Variants in AFG2B observed in about 807,000 individuals in gnomAD.
The protein encoded by AFG2B is AAA ATPase AFG2B, also known as ATPase family gene 2 protein homolog B.
chr15:45,413,101 A>G, the AFG2B span, among the ~76,000 whole-genome samples: 1 of 152,188 alleles, frequency 6.6e-6, no homozygotes, highest in Non-Finnish European at 1.5e-5. Context: ...CATGAGAGAA[A>G]TTAACCACAC....
the AFG2B span, chr15:45,403,312 C>A: frequency 6.3e-7 from 1 of 1,595,428 alleles, no homozygotes; most frequent in Non-Finnish European, 8.5e-7. Context: ...ACTGGCCAGC[C>A]GCGGACCCAG....
At chr15:45,415,767 T>TCC in the AFG2B span, 2 of 1,613,602 alleles carry the variant, frequency 1.2e-6, no homozygotes. Flanking sequence ...AGGAAGTAAA[T>TCC]CAAGTCAACA....
At chr15:45,406,603 A>G in the AFG2B span, among the ~76,000 whole-genome samples, 5 of 152,220 alleles carry the variant, frequency 3.3e-5, no homozygotes, top group Non-Finnish European at 2.9e-5. Flanking sequence ...TGTAAAATCC[A>G]GTATTTTGTA....
the AFG2B span, chr15:45,415,541 C>T: frequency 7.3e-7 from 1 of 1,378,936 alleles, no homozygotes; most frequent in East Asian, 2.4e-5. Context: ...TATCACATGA[C>T]TAATGTATAA....
At chr15:45,414,751 G>T in the AFG2B span, 1 of 1,614,142 alleles carries the variant, frequency 6.2e-7, no homozygotes, top group Non-Finnish European at 8.5e-7. Flanking sequence ...TTCACCGTTT[G>T]TTGGAGATTC....
the AFG2B span, chr15:45,402,771 G>C: frequency 3.2e-6 from 5 of 1,584,942 alleles, no homozygotes; most frequent in Non-Finnish European, 4.3e-6. Flanking sequence ...CCGTGTGGCC[G>C]GTGTTGCGAG....
chr15:45,402,583 C>T, the AFG2B span: 2 of 1,570,452 alleles, frequency 1.3e-6, no homozygotes, highest in South Asian at 1.1e-5. Context: ...GATCTCGCTA[C>T]CCGACGGCGG....
chr15:45,418,746 C>A, the AFG2B span: 1 of 1,584,786 alleles, frequency 6.3e-7, no homozygotes, highest in South Asian at 1.1e-5. Context: ...AATCTTCATT[C>A]ACTCAGCAGT....
the AFG2B span, chr15:45,402,644 T>G: frequency 4.4e-6 from 7 of 1,579,626 alleles, no homozygotes; most frequent in Non-Finnish European, 4.3e-6. Context: ...GACGGCTTTG[T>G]GCAGCTGGAC....
At chr15:45,403,528 C>G in the AFG2B span, 1 of 1,599,820 alleles carries the variant, frequency 6.3e-7, no homozygotes, top group Non-Finnish European at 8.5e-7. Flanking sequence ...GGTGAATGGG[C>G]TTGGCGGGTT....
At chr15:45,410,300 A>G in the AFG2B span, 1 of 1,528,062 alleles carries the variant, frequency 6.5e-7, no homozygotes, top group Non-Finnish European at 8.9e-7. Context: ...GATTTTAAAA[A>G]CAAATTGTGC....
At chr15:45,417,396 CAA>C in the AFG2B span, 2 of 1,613,696 alleles carry the variant, frequency 1.2e-6, no homozygotes, top group Non-Finnish European at 1.7e-6. Flanking sequence ...CTCCAGATCA[CAA>C]GGTAGTCATT....
chr15:45,406,109 G>A, the AFG2B span, among the ~76,000 whole-genome samples: 4 of 152,140 alleles, frequency 2.6e-5, no homozygotes, highest in African/African-American at 9.7e-5. Context: ...CATAATACTT[G>A]TACTTAACCT....
chr15:45,417,909 G>T, the AFG2B span: 1 of 152,562 alleles, frequency 6.6e-6, no homozygotes, highest in Non-Finnish European at 1.5e-5. Context: ...GGCACAGAGT[G>T]AATTTTTTTG....
At chr15:45,417,433 A>G in the AFG2B span, 9 of 1,607,764 alleles carry the variant, frequency 5.6e-6, no homozygotes, top group Non-Finnish European at 7.7e-6. Context: ...GTGTGAGCTC[A>G]GCAGAATTGA....
At chr15:45,421,132 G>A in the AFG2B span, 96 of 1,612,820 alleles carry the variant, frequency 6.0e-5, no homozygotes, top group Admixed American at 4.5e-4. Context: ...CTGTAAAACC[G>A]TCGTTAAGTT....
At chr15:45,408,578 C>T in the AFG2B span, among the ~76,000 whole-genome samples, 16 of 152,306 alleles carry the variant, frequency 1.1e-4, no homozygotes, top group South Asian at 1.4e-3. Context: ...TGTAGAGGCA[C>T]AGAGTGTACA....
chr15:45,411,720 C>T, the AFG2B span, among the ~76,000 whole-genome samples: 3 of 151,950 alleles, frequency 2.0e-5, no homozygotes, highest in East Asian at 1.9e-4. Flanking sequence ...CCCAGGAGAT[C>T]GAGGCTGCAG....
the AFG2B span, among the ~76,000 whole-genome samples, chr15:45,419,348 G>A: frequency 2.0e-5 from 3 of 152,010 alleles, no homozygotes; most frequent in African/African-American, 7.3e-5. Flanking sequence ...AGTAGTCCCA[G>A]CTACTTGGGA....
Sources: gnomAD v4.1 joint callset for allele counts (sites outside exome capture counted in the v4.1 genomes callset) on GRCh38, gnomAD v4.1.1 for gene constraint, MANE v1.5 for transcripts, NCBI Gene and HGNC (gene_info 2026-07-23, HGNC 2026-07-21) for gene names.